PARL: variants seen among roughly 807,000 people sequenced by gnomAD.
PARL encodes the protein presenilin associated rhomboid like, also known as presenilin-associated rhomboid-like protein, mitochondrial.
In PARL, 44 loss-of-function variants were observed where a neutral mutation model predicts 51.6. The ratio of observed to expected loss-of-function variants is 0.85; its 90% CI spans 0.67 to 1.10. The LOEUF is 1.10. Among genes scored for constraint, PARL ranks in the 50% least tolerant of loss-of-function variants. The pLI is 0.00. For synonymous variants in PARL, 172 were observed against 164.0 expected (o/e 1.05, Z -0.37); for missense variants, 441 against 469.5 (o/e 0.94, Z 0.56).
chr3:183,833,338 T>G (rs1347335911), intron 9 of PARL, among the ~76,000 whole-genome samples, 154 bp downstream of exon 9: 1 of 152,128 alleles, frequency 6.6e-6, no homozygotes, highest in Non-Finnish European at 1.5e-5. Context: ...CAAGCCACGT[T>G]GAGGTTTCCT....
chr3:183,842,284 T>C lies in PARL; in HGVS notation c.757+14A>G, dbSNP rs200274037. On this transcript the variant is annotated intron_variant, in intron 6 of 9. Coordinates refer to ENST00000317096, the MANE Select transcript of PARL (RefSeq NM_018622.7). ...GCTTATACTCTCAAAGGCCCCGAGA[T>C]TAAAGCATATTACCTGCAGATAGGT... 3.7e-6 allele frequency: 6 copies of C among 1,611,406 alleles called. No homozygotes were observed. In the African/African-American group the frequency reaches 8.0e-5, roughly 22 times the overall value.
At position 183,859,133 on chromosome 3, in the gene PARL, G is replaced by A. The variant is rs528271250; in HGVS notation, c.511+3620C>T. On this transcript the variant is annotated intron_variant, in intron 4 of 9. Coordinates refer to ENST00000317096, the MANE Select transcript of PARL (RefSeq NM_018622.7). ...ATCCTGGCTAACGCGGTGAAACCCCGTCTCTACTAAAAATACAAAAAAATT... is the reference window on the plus strand; with the variant it reads ...ATCCTGGCTAACGCGGTGAAACCCCATCTCTACTAAAAATACAAAAAAATT... 1.2e-4 allele frequency among the ~76,000 whole-genome samples: 18 copies of A among 152,022 alleles called. No individual in the cohort carries two copies. In the East Asian group the frequency reaches 2.9e-3, roughly 25 times the overall value.
chr3:183,882,240 T>C (rs866399255), intron 1 of PARL, among the ~76,000 whole-genome samples: 7 of 19,906 alleles, frequency 3.5e-4, no homozygotes, highest in South Asian at 1.1e-3. Flanking sequence ...TATATATATA[T>C]ATATTTATAT....
intron 7 of PARL, among the ~76,000 whole-genome samples, chr3:183,840,364 T>C (rs746167967): frequency 9.9e-5 from 15 of 152,206 alleles, no homozygotes; most frequent in Middle Eastern, 3.2e-3. Context: ...TAGCCGGACA[T>C]TTACAAAGCT....
intron 1 of PARL, among the ~76,000 whole-genome samples, chr3:183,879,370 T>C (rs193276721): frequency 5.3e-5 from 8 of 152,152 alleles, no homozygotes; most frequent in Non-Finnish European, 1.0e-4. Flanking sequence ...AACTTTTTTT[T>C]CTGCTAGATT....
At chr3:183,844,015 G>A (rs1341237706) in intron 5 of PARL, among the ~76,000 whole-genome samples, 1 of 152,132 alleles carries the variant, frequency 6.6e-6, no homozygotes, top group South Asian at 2.1e-4. Context: ...CTCCAGCCTG[G>A]GCAACAGAGG....
intron 6 of PARL, among the ~76,000 whole-genome samples, chr3:183,841,117 G>A (rs1226210801): frequency 6.6e-6 from 1 of 152,106 alleles, no homozygotes; most frequent in East Asian, 1.9e-4. Context: ...TTCTCTGGCT[G>A]TACTCCAGAC....
chr3:183,844,222 TA>T lies in PARL; in HGVS notation c.607+8del, dbSNP rs1560386775. The T allele has an allele frequency of 6.6e-7, 1 of 1,512,758 alleles. No individual in the cohort carries two copies. The highest frequency in any genetic ancestry group is 2.2e-5 in the East Asian group (1 of 44,448). The allele number at this position is 1,512,758 out of a possible 1,614,324, so 93.7% of individuals were successfully genotyped here. ...TACCTTAAAATAAATTCACACAAGT[TA>T]GACTTACTTGAGGCTGGATTCGATG... On this transcript the variant is annotated splice_region_variant and intron_variant, in intron 5 of 9. Transcript: ENST00000317096.
At chr3:183,878,975 G>C (rs1008968060) in intron 1 of PARL, among the ~76,000 whole-genome samples, 3 of 152,150 alleles carry the variant, frequency 2.0e-5, no homozygotes, top group Non-Finnish European at 4.4e-5. Flanking sequence ...TACCCAAACT[G>C]CTAGTTCATG....
intron 7 of PARL, among the ~76,000 whole-genome samples, chr3:183,835,545 T>G (rs1383519956): frequency 6.6e-6 from 1 of 152,154 alleles, no homozygotes; most frequent in Non-Finnish European, 1.5e-5. Context: ...AAGACCTGAA[T>G]TTTGACCAAG....
intron 1 of PARL, among the ~76,000 whole-genome samples, chr3:183,882,828 C>T (rs1007833084): frequency 5.9e-5 from 9 of 152,118 alleles, no homozygotes; most frequent in Non-Finnish European, 1.2e-4. Flanking sequence ...AATGCAAATT[C>T]CTGGTCCCAC....
At chr3:183,857,924 C>T (rs1445145859) in intron 4 of PARL, among the ~76,000 whole-genome samples, 1 of 152,134 alleles carries the variant, frequency 6.6e-6, no homozygotes, top group East Asian at 1.9e-4. Flanking sequence ...AATAAAAACC[C>T]TATTCTTTGA....
intron 1 of PARL, among the ~76,000 whole-genome samples, chr3:183,884,028 A>T (rs1734844445): frequency 6.6e-6 from 1 of 152,228 alleles, no homozygotes; most frequent in Non-Finnish European, 1.5e-5. Context: ...ACAAAAGAGG[A>T]GGAAAATTTT....
At chr3:183,844,482 G>A (rs1282396936) in intron 4 of PARL, 156 bp from the exon 5 acceptor site, 2 of 637,284 alleles carry the variant, frequency 3.1e-6, no homozygotes, top group Non-Finnish European at 2.8e-6. Flanking sequence ...TGAAATGAAT[G>A]CTTTTAAAGT....
At chr3:183,839,657 G>A (rs911039660) in intron 7 of PARL, among the ~76,000 whole-genome samples, 18 of 152,028 alleles carry the variant, frequency 1.2e-4, no homozygotes, top group Admixed American at 6.6e-4. Flanking sequence ...GACCTCAAGT[G>A]AGCTGCCCAC....
chr3:183,856,373 G>C (rs966163772), intron 4 of PARL: 1 of 152,314 alleles, frequency 6.6e-6, no homozygotes, highest in Non-Finnish European at 1.5e-5. Flanking sequence ...GGCCAGTCCA[G>C]ACACTGACAA....
intron 4 of PARL, among the ~76,000 whole-genome samples, chr3:183,859,078 G>A (rs1014077801): frequency 2.0e-5 from 3 of 152,014 alleles, no homozygotes; most frequent in African/African-American, 7.2e-5. Flanking sequence ...AGGCCGAGGC[G>A]GTGGATCACG....
intron 1 of PARL, among the ~76,000 whole-genome samples, chr3:183,874,219 TTAA>T (rs1733533622): frequency 6.6e-6 from 1 of 152,116 alleles, no homozygotes; most frequent in Non-Finnish European, 1.5e-5. Context: ...GACAATGAAC[TTAA>T]TAATGTTGTG....
chr3:183,862,591 T>C (rs928927733), intron 4 of PARL, 162 bp downstream of exon 4: 17 of 650,624 alleles, frequency 2.6e-5, no homozygotes, highest in Non-Finnish European at 4.2e-5. Flanking sequence ...TAAACCTTTA[T>C]ACCTCACCAC....
Sources: gnomAD v4.1 joint callset for allele counts (sites outside exome capture counted in the v4.1 genomes callset) on GRCh38, gnomAD v4.1.1 for gene constraint, MANE v1.5 for transcripts, NCBI Gene and HGNC (gene_info 2026-07-23, HGNC 2026-07-21) for gene names.